Variants in RTN4 observed in about 807,000 individuals in gnomAD.
RTN4 encodes reticulon-4.
In RTN4, 32 loss-of-function variants were observed where a neutral mutation model predicts 90.4. The observed-to-expected ratio is 0.35, with a 90% CI of 0.27 to 0.48. The LOEUF (loss-of-function observed/expected upper bound fraction) is 0.48, where lower values mean the gene tolerates loss of function less well. Ranked by LOEUF, RTN4 falls within the 20% of genes least tolerant of loss-of-function variation. The probability of loss-of-function intolerance (pLI) is 0.99; values close to 1 mark genes in which losing one functional copy is unlikely to be tolerated. For missense variants in RTN4, 1,706 were observed against 1,430.2 expected (o/e 1.19, Z -3.11); for synonymous variants, 629 against 552.5 (o/e 1.14, Z -1.94).
intron 3 of RTN4, among the ~76,000 whole-genome samples, chr2:55,018,008 G>T (rs932386210): frequency 1.3e-5 from 2 of 152,138 alleles, no homozygotes; most frequent in African/African-American, 4.8e-5. Context: ...GTGAAACTAG[G>T]TAACAACTAA....
upstream of RTN4, among the ~76,000 whole-genome samples, chr2:55,113,720 C>A (rs1046132419): frequency 2.6e-5 from 4 of 152,168 alleles, no homozygotes; most frequent in African/African-American, 9.7e-5. Context: ...GCTAGAAGCA[C>A]CTATTACTCC....
intron 3 of RTN4, chr2:55,010,296 T>C: frequency 4.1e-6 from 6 of 1,451,652 alleles, no homozygotes; most frequent in Non-Finnish European, 5.4e-6. Context: ...GTCTTCTGGG[T>C]GTGGAACAGT....
At chr2:55,113,474 C>G (rs1454750902), upstream of RTN4, among the ~76,000 whole-genome samples, 1 of 152,186 alleles carries the variant, frequency 6.6e-6, no homozygotes, top group Non-Finnish European at 1.5e-5. Context: ...TTTTGGAAAG[C>G]TTCTGTCTGT....
At chr2:55,003,969 T>C (rs1680029068) in intron 3 of RTN4, among the ~76,000 whole-genome samples, 1 of 152,104 alleles carries the variant, frequency 6.6e-6, no homozygotes, top group Non-Finnish European at 1.5e-5. Flanking sequence ...TGGCTGTACA[T>C]AAAAAGGGAA....
intron 1 of RTN4, among the ~76,000 whole-genome samples, chr2:55,038,542 A>G (rs1204292363): frequency 6.6e-6 from 1 of 152,200 alleles, no homozygotes; most frequent in Admixed American, 6.5e-5. Flanking sequence ...ATTAGTCCCT[A>G]GGGAAATCTA....
chr2:55,034,036 G>A (rs1424381637), intron 1 of RTN4, among the ~76,000 whole-genome samples: 1 of 152,018 alleles, frequency 6.6e-6, no homozygotes, highest in Non-Finnish European at 1.5e-5. Context: ...ATAAAACAAG[G>A]TAATATACTG....
intron 1 of RTN4, among the ~76,000 whole-genome samples, chr2:55,091,582 C>T (rs1019253918): frequency 6.6e-6 from 1 of 152,196 alleles, no homozygotes. Context: ...AATCCCAGTA[C>T]TGTGGGAGGC....
At chr2:55,092,373 T>C in intron 1 of RTN4, among the ~76,000 whole-genome samples, 1 of 151,910 alleles carries the variant, frequency 6.6e-6, no homozygotes, top group East Asian at 1.9e-4. Flanking sequence ...GTAGCTGGGA[T>C]TACAGGCATT....
At chr2:55,033,365 T>C (rs1682461147) in intron 1 of RTN4, among the ~76,000 whole-genome samples, 1 of 152,256 alleles carries the variant, frequency 6.6e-6, no homozygotes, top group Admixed American at 6.5e-5. Flanking sequence ...TCATTATTCA[T>C]GGATTCCTTA....
At chr2:55,094,643 G>A (rs1322975024) in intron 1 of RTN4, among the ~76,000 whole-genome samples, 1 of 152,172 alleles carries the variant, frequency 6.6e-6, no homozygotes, top group Non-Finnish European at 1.5e-5. Flanking sequence ...CTGGGGAGGG[G>A]CTACTTTAGA....
chr2:55,107,847 C>G (rs1667970793), intron 1 of RTN4, among the ~76,000 whole-genome samples: 1 of 152,098 alleles, frequency 6.6e-6, no homozygotes, highest in Admixed American at 6.5e-5. Context: ...TCTGGAAAGC[C>G]TGTATGTGGT....
At chr2:55,115,769 GA>G (rs960041405), upstream of RTN4, among the ~76,000 whole-genome samples, 1 of 152,198 alleles carries the variant, frequency 6.6e-6, no homozygotes, top group Non-Finnish European at 1.5e-5. Context: ...TATGGGCAGG[GA>G]AATCTAGCAA....
Position 55,026,147 on chromosome 2 carries a change from T to C in RTN4, c.1952A>G (p.His651Arg), listed in dbSNP as rs777635624. The part of the protein sequence containing the change: ...ASSVNYESIK[H>R]EPENPPPYEE... ...ATATGGTGGGGGGTTTTCAGGCTCA[T>C]GTTTTATGCTTTCATAATTAACTGA... Residue 651 changes from histidine to arginine, a missense_variant, in exon 3 of 9, where the codon CAT becomes CGT. His to Arg is a conservative substitution (Grantham distance 29). Transcript: ENST00000337526. 2 of 1,613,572 alleles carry C rather than the reference T, an allele frequency of 1.2e-6. No individual in the cohort carries two copies. The highest frequency in any genetic ancestry group is 1.7e-5 in the Admixed American group (1 of 59,856).
intron 5 of RTN4, among the ~76,000 whole-genome samples, chr2:54,978,386 G>T (rs112093980): frequency 2.9e-5 from 4 of 136,106 alleles, no homozygotes; most frequent in African/African-American, 1.1e-4. Flanking sequence ...GCCTAAGATC[G>T]CACCACCGCC....
chr2:55,010,312 G>A (rs1026278157), intron 3 of RTN4: 4 of 1,408,082 alleles, frequency 2.8e-6, no homozygotes, highest in East Asian at 2.5e-5. Context: ...ACAGTCTGAC[G>A]CAGTGCAATC....
intron 3 of RTN4, among the ~76,000 whole-genome samples, chr2:55,008,108 T>C (rs1041335301): frequency 6.6e-6 from 1 of 150,808 alleles, no homozygotes; most frequent in Non-Finnish European, 1.5e-5. Context: ...GCCTGAAAGA[T>C]CGAGTATCTT....
At chr2:54,985,996 G>C (rs1475779305) in intron 4 of RTN4, among the ~76,000 whole-genome samples, 1 of 152,164 alleles carries the variant, frequency 6.6e-6, no homozygotes, top group East Asian at 1.9e-4. Context: ...TGAATTTTCG[G>C]ATCATTTGGG....
chr2:54,978,851 A>G (rs1258301202), intron 5 of RTN4, among the ~76,000 whole-genome samples: 1 of 152,184 alleles, frequency 6.6e-6, no homozygotes, highest in African/African-American at 2.4e-5. Context: ...ATCTGACTGT[A>G]AGGCATTAAA....
At chr2:55,120,331 T>G in the RTN4 span, among the ~76,000 whole-genome samples, 4 of 152,120 alleles carry the variant, frequency 2.6e-5, no homozygotes, top group Admixed American at 6.5e-5. Flanking sequence ...CTCACCAGGG[T>G]GGGCACAGAC....
Sources: gnomAD v4.1 joint callset for allele counts (sites outside exome capture counted in the v4.1 genomes callset) on GRCh38, gnomAD v4.1.1 for gene constraint, MANE v1.5 for transcripts, NCBI Gene and HGNC (gene_info 2026-07-23, HGNC 2026-07-21) for gene names.